CLMP: variants seen among roughly 807,000 people sequenced by gnomAD.
The protein encoded by CLMP is CXADR-like membrane protein.
A neutral mutation model predicts 45.2 loss-of-function variants in CLMP; 27 were observed. That is an observed-to-expected ratio of 0.60 (90% CI 0.44 to 0.82). The LOEUF (loss-of-function observed/expected upper bound fraction) is 0.82. Ranked by LOEUF, CLMP falls within the 40% of genes least tolerant of loss-of-function variation. CLMP has a pLI of 0.00. For missense variants in CLMP, 403 were observed against 448.4 expected, an observed-to-expected ratio of 0.90 and a Z score of 0.91; for synonymous variants, 167 against 171.4, an observed-to-expected ratio of 0.97 and a Z score of 0.20.
At chr11:123,135,080 T>G (rs1455815461) in intron 1 of CLMP, among the ~76,000 whole-genome samples, 1 of 151,984 alleles carries the variant, frequency 6.6e-6, no homozygotes, top group Non-Finnish European at 1.5e-5. Context: ...GCCAACATGG[T>G]GAAACCCCGT....
chr11:123,171,334 G>T (rs1861629089), intron 1 of CLMP, among the ~76,000 whole-genome samples: 1 of 152,114 alleles, frequency 6.6e-6, no homozygotes, highest in Non-Finnish European at 1.5e-5. Flanking sequence ...GTCCCTTAGA[G>T]TCCACAGAAG....
At chr11:123,090,152 G>A (rs1199184092) in intron 2 of CLMP, among the ~76,000 whole-genome samples, 1 of 151,450 alleles carries the variant, frequency 6.6e-6, no homozygotes, top group Non-Finnish European at 1.5e-5. Context: ...TACAGATTTT[G>A]AAAAAACGCT....
intron 1 of CLMP, among the ~76,000 whole-genome samples, chr11:123,150,199 TAAACACACACAC>T (rs1209191321): frequency 1.6e-5 from 2 of 121,732 alleles, no homozygotes; most frequent in African/African-American, 6.8e-5. Flanking sequence ...ACACACACAC[TAAACACACACAC>T]ACACACACAC....
intron 1 of CLMP, among the ~76,000 whole-genome samples, chr11:123,150,535 ACAAG>A (rs1353115271): frequency 1.0e-5 from 1 of 97,386 alleles, no homozygotes; most frequent in African/African-American, 4.4e-5. Context: ...AAGGAAAGAA[ACAAG>A]CAAGGAAGGA....
intron 2 of CLMP, among the ~76,000 whole-genome samples, chr11:123,087,184 A>G (rs2135471993): frequency 6.6e-6 from 1 of 151,996 alleles, no homozygotes. Context: ...CTAAAAATAC[A>G]AAATTAGCCG....
chr11:123,088,010 A>C (rs1305184899), intron 2 of CLMP, among the ~76,000 whole-genome samples: 1 of 151,598 alleles, frequency 6.6e-6, no homozygotes, highest in Non-Finnish European at 1.5e-5. Context: ...TCCCGGGTTC[A>C]AGTGATTCTC....
chr11:123,130,829 T>A (rs960885598), intron 1 of CLMP, among the ~76,000 whole-genome samples: 3 of 150,302 alleles, frequency 2.0e-5, no homozygotes, highest in African/African-American at 7.4e-5. Context: ...ATGGAATCGT[T>A]TTTTTCTTTT....
At chr11:123,128,169 A>G (rs961591919) in intron 1 of CLMP, among the ~76,000 whole-genome samples, 4 of 152,042 alleles carry the variant, frequency 2.6e-5, no homozygotes, top group African/African-American at 4.8e-5. Flanking sequence ...GAAAAGCAGT[A>G]TCATTTCAGG....
At chr11:123,107,387 C>T (rs1555080336) in intron 1 of CLMP, among the ~76,000 whole-genome samples, 1 of 152,014 alleles carries the variant, frequency 6.6e-6, no homozygotes, top group East Asian at 1.9e-4. Context: ...CATGCCACCA[C>T]ATCTGGCAAA....
intron 2 of CLMP, among the ~76,000 whole-genome samples, chr11:123,093,804 G>C (rs534011087): frequency 6.6e-6 from 1 of 152,214 alleles, no homozygotes; most frequent in East Asian, 1.9e-4. Context: ...TCAGTGGTTT[G>C]GGGCTGTTTG....
chr11:123,099,194 T>A (rs920528314), intron 1 of CLMP, among the ~76,000 whole-genome samples: 2 of 152,208 alleles, frequency 1.3e-5, no homozygotes, highest in Admixed American at 1.3e-4. Context: ...ATGATACTCA[T>A]GGAAACTGCA....
chr11:123,169,739 C>T (rs1591485400), intron 1 of CLMP, among the ~76,000 whole-genome samples: 1 of 152,130 alleles, frequency 6.6e-6, no homozygotes. Flanking sequence ...GTTGTAGGGG[C>T]ACAGCTTGGT....
chr11:123,111,496 A>T (rs9666251), intron 1 of CLMP, among the ~76,000 whole-genome samples: 1 of 152,150 alleles, frequency 6.6e-6, no homozygotes, highest in Non-Finnish European at 1.5e-5. Context: ...AGATTGTTGA[A>T]GCGCTTTTTC....
At chr11:123,130,979 A>G (rs12293323) in intron 1 of CLMP, among the ~76,000 whole-genome samples, 21,600 of 151,020 alleles carry the variant, frequency 0.14, 1,932 homozygotes, top group East Asian at 0.25. Context: ...AGTAGCTGGG[A>G]TTACAGGTGT....
At chr11:123,100,165 G>A (rs1282144801) in intron 1 of CLMP, among the ~76,000 whole-genome samples, 1 of 152,150 alleles carries the variant, frequency 6.6e-6, no homozygotes, top group Non-Finnish European at 1.5e-5. Context: ...GAGGTCAGGA[G>A]TTTGAGACCA....
Position 123,073,633 on chromosome 11 carries a change from G to A in CLMP, c.963C>T (p.Asp321=), listed in dbSNP as rs199985664. 3.5e-5 allele frequency: 57 copies of A among 1,614,232 alleles called. No individual in the cohort carries two copies. Among genetic ancestry groups the A allele is most frequent in the Admixed American group, 2.0e-4 (12 of 60,030 alleles). ...ASRSQRTLST[D]AAPQPGLATQ... is the part of the protein sequence containing the mutation. ...TGGCCAGCCCTGGCTGGGGTGCTGC[G>A]TCAGTTGACAGTGTCCGCTGGCTGC... The change falls in exon 7 of 7, where the codon GAC becomes GAT. Residue 321 remains aspartate, a synonymous_variant. Coordinates refer to ENST00000448775, the MANE Select transcript of CLMP (RefSeq NM_024769.5).
chr11:123,134,807 CAA>C (rs34337103), intron 1 of CLMP, among the ~76,000 whole-genome samples: 6 of 144,564 alleles, frequency 4.2e-5, no homozygotes, highest in African/African-American at 7.5e-5. Flanking sequence ...GACTCCGTCT[CAA>C]AAAAAAAAAA....
At chr11:123,116,427 G>A (rs1400647678) in intron 1 of CLMP, among the ~76,000 whole-genome samples, 1 of 151,918 alleles carries the variant, frequency 6.6e-6, no homozygotes, top group East Asian at 1.9e-4. Flanking sequence ...AATTAGCCAG[G>A]CATGGTGGCA....
chr11:123,139,436 A>G (rs1339053623), intron 1 of CLMP, among the ~76,000 whole-genome samples: 1 of 152,168 alleles, frequency 6.6e-6, no homozygotes, highest in African/African-American at 2.4e-5. Flanking sequence ...TTGAGCAATC[A>G]ATTCTGTCTT....
Sources: allele counts gnomAD v4.1 joint callset (sites outside exome capture counted in the v4.1 genomes callset), GRCh38; gene constraint gnomAD v4.1.1; transcripts MANE v1.5; gene names NCBI Gene and HGNC (gene_info 2026-07-23, HGNC 2026-07-21).